Variants in EPB41L4B observed in about 807,000 individuals in gnomAD.
The protein encoded by EPB41L4B is erythrocyte membrane protein band 4.1 like 4B, also known as band 4.1-like protein 4B.
In EPB41L4B, 30 loss-of-function variants were observed where a neutral mutation model predicts 112.5. The ratio of observed to expected loss-of-function variants is 0.27; its 90% CI spans 0.20 to 0.36. The LOEUF (loss-of-function observed/expected upper bound fraction) is 0.36, where lower values mean the gene tolerates loss of function less well. EPB41L4B is among the 10% of genes least tolerant of loss of function. The pLI is 1.00. For synonymous variants in EPB41L4B, 408 were observed against 439.7 expected (o/e 0.93, Z 0.90); for missense variants, 1,024 against 1,133.3 (o/e 0.90, Z 1.38).
chr9:109,239,464 G>A (rs1834276664), intron 15 of EPB41L4B, among the ~76,000 whole-genome samples: 1 of 152,190 alleles, frequency 6.6e-6, no homozygotes, highest in African/African-American at 2.4e-5. Flanking sequence ...AGAGTCAACA[G>A]CATGATAAAA....
At chr9:109,301,885 T>G (rs1198209632) in intron 1 of EPB41L4B, among the ~76,000 whole-genome samples, 1 of 152,224 alleles carries the variant, frequency 6.6e-6, no homozygotes, top group Non-Finnish European at 1.5e-5. Flanking sequence ...CGTGGGAGAC[T>G]GAGCAAGACC....
At chr9:109,227,589 C>T (rs538233639) in intron 15 of EPB41L4B, among the ~76,000 whole-genome samples, 6 of 151,718 alleles carry the variant, frequency 4.0e-5, no homozygotes, top group Non-Finnish European at 5.9e-5. Context: ...CATATCCCCC[C>T]CTTTTTTTTT....
At chr9:109,258,349 T>G (rs1192724462) in intron 6 of EPB41L4B, 52 bp from the exon 7 acceptor site, 2 of 1,592,290 alleles carry the variant, frequency 1.3e-6, no homozygotes, top group East Asian at 4.5e-5. Context: ...TGATTTCAGT[T>G]ATTGCTGCAA....
intron 1 of EPB41L4B, among the ~76,000 whole-genome samples, chr9:109,283,705 T>TA (rs1332659727): frequency 6.6e-6 from 1 of 152,176 alleles, no homozygotes; most frequent in Admixed American, 6.5e-5. Context: ...GACTGCTTGA[T>TA]AAAAACAGGA....
In EPB41L4B at chr9:109,255,577, C is replaced by G; in HGVS notation, c.1103G>C (p.Arg368Pro). The G allele has an allele frequency of 3.1e-6, 5 of 1,614,164 alleles. No individual in the cohort carries two copies. Among genetic ancestry groups the G allele is most frequent in the Non-Finnish European group, 4.2e-6 (5 of 1,180,018 alleles). Residue 368 changes from arginine (R) to proline (P), a missense_variant, in exon 11 of 26, where the codon CGG becomes CCG. Coordinates refer to ENST00000374566, the MANE Select transcript of EPB41L4B (RefSeq NM_019114.5). ...AVEHHAFFRLRTPGNSKSNRS... is the reference protein window; with the variant it reads ...AVEHHAFFRLPTPGNSKSNRS... ...ATTGGATTTGCTGTTTCCTGGCGTC[C>G]GCAGTCGGAAGAATGCGTGGTGCTC...
intron 15 of EPB41L4B, among the ~76,000 whole-genome samples, chr9:109,235,032 A>G (rs1363704809): frequency 6.6e-6 from 1 of 152,230 alleles, no homozygotes; most frequent in Non-Finnish European, 1.5e-5. Context: ...CAATTCTCCA[A>G]GCCTCTGAGT....
rs1159660538 is a variant in EPB41L4B at position 109,173,087 on chromosome 9, A to G, written c.*1467T>C. 1.3e-5 allele frequency: 2 copies of G among 152,658 alleles called. No homozygotes were observed. The highest frequency in any genetic ancestry group is 4.8e-5 in the African/African-American group (2 of 41,470). 9.5% of individuals were successfully genotyped at this position (152,658 alleles called of 1,614,324 possible). A position where few individuals can be genotyped will look rare whatever the true frequency, so the allele number is the denominator to read the frequency against. On this transcript the variant is annotated 3_prime_UTR_variant, in exon 26 of 26. Transcript: ENST00000374566. Reference sequence around the variant, plus strand: ...TTGCTAGCAATTAATGAAATAAAACAACTCTTCAAGAACAACTATACATAC... The same window carrying G: ...TTGCTAGCAATTAATGAAATAAAACGACTCTTCAAGAACAACTATACATAC...
chr9:109,201,555 G>T (rs1187338994), intron 19 of EPB41L4B, among the ~76,000 whole-genome samples: 2 of 152,140 alleles, frequency 1.3e-5, no homozygotes. Flanking sequence ...CTCAAGCTGC[G>T]ACTCCACAGT....
intron 4 of EPB41L4B, among the ~76,000 whole-genome samples, chr9:109,265,773 A>C (rs371981603): frequency 1.3e-5 from 2 of 152,246 alleles, no homozygotes; most frequent in Admixed American, 1.3e-4. Flanking sequence ...TGTAAAAACC[A>C]AAACTGCCTG....
chr9:109,293,698 T>TAAAAAA (rs58106653), intron 1 of EPB41L4B, among the ~76,000 whole-genome samples: 1 of 131,686 alleles, frequency 7.6e-6, no homozygotes, highest in Non-Finnish European at 1.6e-5. Context: ...TACACATTCT[T>TAAAAAA]AAAAAAAAAA....
At chr9:109,297,637 C>G (rs1401616707) in intron 1 of EPB41L4B, among the ~76,000 whole-genome samples, 1 of 152,248 alleles carries the variant, frequency 6.6e-6, no homozygotes, top group East Asian at 1.9e-4. Context: ...GGACCTCCCA[C>G]AGCATCCCTG....
intron 18 of EPB41L4B, among the ~76,000 whole-genome samples, chr9:109,206,627 A>G (rs890084012): frequency 2.0e-5 from 3 of 152,354 alleles, no homozygotes; most frequent in East Asian, 3.8e-4. Flanking sequence ...CCCACCATGT[A>G]GAAAGTGATT....
At chr9:109,241,799 G>A (rs1212034797) in intron 15 of EPB41L4B, 1 of 1,614,114 alleles carries the variant, frequency 6.2e-7, no homozygotes, top group South Asian at 1.1e-5. Flanking sequence ...CTGTCATCCT[G>A]AAAGGATGGC....
rs1473575170 is a variant in EPB41L4B at position 109,248,968 on chromosome 9, A to T, written c.1311-1179T>A. On this transcript the variant is annotated intron_variant, in intron 13 of 25. Transcript: ENST00000374566. ...CAGCTACTCGGGAGGCTGAGGCAGG[A>T]GAACGGCGTGAACCCGGGAGGCAGA... 2.0e-5 allele frequency among the ~76,000 whole-genome samples: 3 copies of T among 151,482 alleles called. No homozygotes were observed. The East Asian group carries it at 5.8e-4, about 29-fold the overall frequency.
At chr9:109,189,243 G>A (rs1293427776) in intron 22 of EPB41L4B, among the ~76,000 whole-genome samples, 2 of 152,168 alleles carry the variant, frequency 1.3e-5, no homozygotes, top group Non-Finnish European at 2.9e-5. Context: ...AAGTTCTAAA[G>A]CTTAAGATTG....
At chr9:109,231,823 C>T (rs1023449853) in intron 15 of EPB41L4B, among the ~76,000 whole-genome samples, 1 of 152,134 alleles carries the variant, frequency 6.6e-6, no homozygotes, top group African/African-American at 2.4e-5. Context: ...TGTGCCTTCA[C>T]AGGTGTGCAT....
chr9:109,193,924 C>G (rs774732027), intron 21 of EPB41L4B, among the ~76,000 whole-genome samples: 4 of 152,118 alleles, frequency 2.6e-5, no homozygotes, highest in Non-Finnish European at 5.9e-5. Flanking sequence ...TTACAGTGGA[C>G]TAATAGCTTA....
intron 2 of EPB41L4B, among the ~76,000 whole-genome samples, chr9:109,274,039 C>A (rs148356020): frequency 6.6e-6 from 1 of 152,168 alleles, no homozygotes; most frequent in Non-Finnish European, 1.5e-5. Flanking sequence ...TCCCAGCAGG[C>A]GCCATATCTA....
chr9:109,300,586 G>A (rs1836923402), intron 1 of EPB41L4B: 1 of 152,086 alleles, frequency 6.6e-6, no homozygotes, highest in Non-Finnish European at 1.5e-5. Context: ...ACGAGTTTGA[G>A]AACAGCCTGG....
Sources: allele counts gnomAD v4.1 joint callset (sites outside exome capture counted in the v4.1 genomes callset), GRCh38; gene constraint gnomAD v4.1.1; transcripts MANE v1.5; gene names NCBI Gene and HGNC (gene_info 2026-07-23, HGNC 2026-07-21).